PRKAR2B: variants seen among roughly 807,000 people sequenced by gnomAD.
PRKAR2B encodes the protein protein kinase cAMP-dependent type II regulatory subunit beta.
PRKAR2B carries 14 observed loss-of-function variants against 49.9 expected under a neutral mutation model. The ratio of observed to expected loss-of-function variants is 0.28; its 90% confidence interval spans 0.19 to 0.44. The LOEUF (loss-of-function observed/expected upper bound fraction) is 0.44, where lower values mean the gene tolerates loss of function less well. Ranked by LOEUF, PRKAR2B falls within the 20% of genes least tolerant of loss-of-function variation. PRKAR2B has a pLI of 1.00. For synonymous variants in PRKAR2B, 196 were observed against 197.7 expected, an observed-to-expected ratio of 0.99 and a Z score of 0.07; for missense variants, 393 against 537.9, an observed-to-expected ratio of 0.73 and a Z score of 2.67.
intron 4 of PRKAR2B, among the ~76,000 whole-genome samples, chr7:107,132,692 C>T (rs71566715): frequency 3.1e-3 from 472 of 152,066 alleles, no homozygotes; most frequent in Non-Finnish European, 4.1e-3. Context: ...GCCACCTTTT[C>T]CTGAAATGGG....
At chr7:107,135,315 T>C (rs1026936830) in intron 4 of PRKAR2B, among the ~76,000 whole-genome samples, 6 of 152,202 alleles carry the variant, frequency 3.9e-5, no homozygotes, top group African/African-American at 1.2e-4. Flanking sequence ...TTTTATGTTA[T>C]GTGAATTTCA....
At chr7:107,062,577 G>A (rs1428141129) in intron 1 of PRKAR2B, among the ~76,000 whole-genome samples, 1 of 152,108 alleles carries the variant, frequency 6.6e-6, no homozygotes, top group Non-Finnish European at 1.5e-5. Context: ...ACAGTAAGGG[G>A]GTTCAAGGAA....
At chr7:107,105,913 T>G (rs1342541165) in intron 2 of PRKAR2B, among the ~76,000 whole-genome samples, 1 of 152,168 alleles carries the variant, frequency 6.6e-6, no homozygotes, top group African/African-American at 2.4e-5. Context: ...TTGTGTGTGT[T>G]TTTTCTGCCT....
rs150580523 is a variant in PRKAR2B, at chr7:107,112,257, CAAGT to C, written c.344-9690_344-9687del. Among the ~76,000 whole-genome samples, 528 of 134,314 alleles carry C rather than the reference CAAGT, an allele frequency of 3.9e-3. 3 individuals are homozygous for C. Among genetic ancestry groups the C allele is most frequent in the African/African-American group, 0.014 (501 of 35,506 alleles). 88.1% of individuals were successfully genotyped at this position (134,314 alleles called of 152,430 possible). Reference sequence around the variant, plus strand: ...ATTAATACTGACTTTTATCAAGAAACAAGTAAGTTTGCTAATTTAATAGACTTAA... The same window carrying C: ...ATTAATACTGACTTTTATCAAGAAACAAGTTTGCTAATTTAATAGACTTAA... On this transcript the variant is annotated intron_variant, in intron 2 of 10. Coordinates refer to ENST00000265717, the MANE Select transcript of PRKAR2B (RefSeq NM_002736.3).
chr7:107,108,476 A>G lies in PRKAR2B; in HGVS notation c.344-13476A>G, dbSNP rs563107512. ...GCGTGCTCCTGTCTGGGACACCCAA[A>G]TGATAGGGGATAATGAACTACCAAG... On this transcript the variant is annotated intron_variant, in intron 2 of 10. Coordinates refer to ENST00000265717, the MANE Select transcript of PRKAR2B (RefSeq NM_002736.3). 2.6e-5 allele frequency among the ~76,000 whole-genome samples: 4 copies of G among 152,336 alleles called. No individual in the cohort carries two copies. In the East Asian group the frequency reaches 7.7e-4, roughly 29 times the overall value.
intron 7 of PRKAR2B, 87 bp downstream of exon 7, chr7:107,151,110 T>C (rs1038063413): frequency 2.8e-6 from 2 of 707,828 alleles, no homozygotes; most frequent in South Asian, 6.7e-5. Flanking sequence ...AAAATTTCTT[T>C]GAATAAAAAA....
intron 8 of PRKAR2B, among the ~76,000 whole-genome samples, chr7:107,156,755 G>A (rs1421677299): frequency 2.0e-5 from 3 of 151,534 alleles, no homozygotes; most frequent in South Asian, 2.1e-4. Flanking sequence ...GTAGTGAGCC[G>A]AGATCGCGCC....
chr7:107,089,349 A>G (rs1035447202), intron 2 of PRKAR2B, among the ~76,000 whole-genome samples: 1 of 152,196 alleles, frequency 6.6e-6, no homozygotes, highest in African/African-American at 2.4e-5. Flanking sequence ...GTCATTCTAC[A>G]TGTAACCATG....
intron 6 of PRKAR2B, among the ~76,000 whole-genome samples, chr7:107,148,606 C>T (rs1201195397): frequency 2.0e-5 from 3 of 152,254 alleles, no homozygotes; most frequent in Admixed American, 2.0e-4. Context: ...TTCAAGCCTA[C>T]TTTTTAAGGG....
intron 2 of PRKAR2B, among the ~76,000 whole-genome samples, chr7:107,088,111 G>A (rs930353227): frequency 6.6e-6 from 1 of 152,058 alleles, no homozygotes; most frequent in Non-Finnish European, 1.5e-5. Flanking sequence ...TTAAAGAAAC[G>A]AAAACTGAGG....
intron 2 of PRKAR2B, among the ~76,000 whole-genome samples, chr7:107,080,195 G>A (rs531747427): frequency 1.8e-4 from 28 of 152,312 alleles, no homozygotes; most frequent in Non-Finnish European, 1.5e-4. Flanking sequence ...GGAGCACCAT[G>A]GAGTGGTCCA....
chr7:107,090,142 G>A (rs1227107011), intron 2 of PRKAR2B, among the ~76,000 whole-genome samples: 1 of 152,154 alleles, frequency 6.6e-6, no homozygotes, highest in Non-Finnish European at 1.5e-5. Context: ...GATGGCAGGG[G>A]TGTGGTTCAC....
intron 2 of PRKAR2B, among the ~76,000 whole-genome samples, chr7:107,093,874 G>A (rs1794784127): frequency 6.6e-6 from 1 of 152,118 alleles, no homozygotes; most frequent in South Asian, 2.1e-4. Context: ...GTATTCCATG[G>A]TATATATGTG....
At chr7:107,109,474 A>T (rs181011997) in intron 2 of PRKAR2B, among the ~76,000 whole-genome samples, 92 of 149,674 alleles carry the variant, frequency 6.1e-4, no homozygotes, top group African/African-American at 2.2e-3. Flanking sequence ...TGTTGCCTAG[A>T]CTGGTCTCAA....
chr7:107,084,815 C>A (rs936008844), intron 2 of PRKAR2B, among the ~76,000 whole-genome samples: 1 of 151,574 alleles, frequency 6.6e-6, no homozygotes, highest in Non-Finnish European at 1.5e-5. Flanking sequence ...TTAGCAGAGA[C>A]GGGGTTTCAC....
intron 3 of PRKAR2B, among the ~76,000 whole-genome samples, chr7:107,127,042 A>G (rs1021976746): frequency 1.3e-5 from 2 of 152,240 alleles, no homozygotes; most frequent in African/African-American, 4.8e-5. Flanking sequence ...GTTTAGCAAT[A>G]CTATAAGTTT....
chr7:107,147,957 T>G (rs1795921987), intron 6 of PRKAR2B, among the ~76,000 whole-genome samples: 1 of 152,204 alleles, frequency 6.6e-6, no homozygotes, highest in Non-Finnish European at 1.5e-5. Context: ...AAATATCTCT[T>G]GATCAAAGAG....
At chr7:107,122,879 T>TCAA (rs1795414486) in intron 3 of PRKAR2B, among the ~76,000 whole-genome samples, 1 of 152,182 alleles carries the variant, frequency 6.6e-6, no homozygotes, top group Non-Finnish European at 1.5e-5. Context: ...CCATGGGGAT[T>TCAA]CCCACTACCA....
At chr7:107,111,395 G>A (rs1449526774) in intron 2 of PRKAR2B, among the ~76,000 whole-genome samples, 1 of 152,140 alleles carries the variant, frequency 6.6e-6, no homozygotes, top group African/African-American at 2.4e-5. Context: ...AGAGCCCCAG[G>A]GCCTTGAGTG....
Sources: gnomAD v4.1 joint callset for allele counts (sites outside exome capture counted in the v4.1 genomes callset) on GRCh38, gnomAD v4.1.1 for gene constraint, MANE v1.5 for transcripts, NCBI Gene and HGNC (gene_info 2026-07-23, HGNC 2026-07-21) for gene names.